ZNF790: variants seen among roughly 807,000 people sequenced by gnomAD.
ZNF790 encodes zinc finger protein 790.
In ZNF790, 8 loss-of-function variants were observed where a neutral mutation model predicts 12.1. The ratio of observed to expected loss-of-function variants is 0.66; its 90% CI spans 0.39 to 1.19. The LOEUF (loss-of-function observed/expected upper bound fraction) is 1.19, where lower values mean the gene tolerates loss of function less well. Among genes scored for constraint, ZNF790 ranks in the 50% most tolerant of loss-of-function variants. The pLI is 0.01. For synonymous variants in ZNF790, 252 were observed against 244.3 expected (o/e 1.03, Z -0.29); for missense variants, 707 against 752.2 (o/e 0.94, Z 0.70).
chr19:36,825,288 C>T (rs1385021091), intron 2 of ZNF790, among the ~76,000 whole-genome samples: 2 of 152,202 alleles, frequency 1.3e-5, no homozygotes, highest in Non-Finnish European at 2.9e-5. Context: ...AGTATGTCCC[C>T]TTTAATTATT....
rs1161750362 is a variant in ZNF790, at chr19:36,838,115, C to CACACACACACAT, written c.-74+221_-74+222insATGTGTGTGTGT. 1.9e-5 allele frequency: 2 copies of CACACACACACAT among 105,144 alleles called. No individual in the cohort carries two copies. Among genetic ancestry groups the CACACACACACAT allele is most frequent in the African/African-American group, 4.5e-5 (1 of 22,178 alleles). The allele number at this position is 105,144 out of a possible 1,614,324, so 6.5% of individuals were successfully genotyped here. A position where few individuals can be genotyped will look rare whatever the true frequency, so the allele number is the denominator to read the frequency against. On this transcript the variant is annotated intron_variant, in intron 1 of 4. Transcript: ENST00000356725. This position sits in a 1 kb window ranked among gnomAD's most constrained non-coding sequence, Gnocchi z 4.4. The stretch of plus-strand genomic sequence containing the variant: ...TCGTGTGCGCGTGCGCGCACACACA[C>CACACACACACAT]ACACACACACACATACACACACACA...
chr19:36,833,721 G>A (rs2071986541), intron 1 of ZNF790, among the ~76,000 whole-genome samples: 1 of 152,096 alleles, frequency 6.6e-6, no homozygotes, highest in Non-Finnish European at 1.5e-5. Flanking sequence ...CATGGTGCCA[G>A]GTCAACTGAA....
chr19:36,844,774 C>T (rs922091368), intron 1 of ZNF790, among the ~76,000 whole-genome samples: 2 of 152,048 alleles, frequency 1.3e-5, no homozygotes, highest in Non-Finnish European at 2.9e-5. Context: ...TAGGGCCGGG[C>T]GCGGTGGCTC....
chr19:36,823,223 C>T, intron 4 of ZNF790, 62 bp downstream of exon 4: 10 of 1,437,160 alleles, frequency 7.0e-6, no homozygotes, highest in Non-Finnish European at 9.8e-6. Context: ...TGCTGCCTCA[C>T]TGTGCAGCTG....
chr19:36,823,244 CACA>C (rs776930300), intron 4 of ZNF790, 38 bp downstream of exon 4: 3 of 1,559,256 alleles, frequency 1.9e-6, no homozygotes. Context: ...AGCTGTTATC[CACA>C]ACAATGGCCT....
At position 36,827,430 on chromosome 19, in the gene ZNF790, G is replaced by T. The variant is rs1303038734; in HGVS notation, c.-73-1738C>A. ...AGGCCCAGTCACAAGGGCCCTTCCT[G>T]ACTGGGCTCAAGGAACACAAAAAGT... On this transcript the variant is annotated intron_variant, in intron 1 of 4. Transcript: ENST00000356725. 3.3e-5 allele frequency among the ~76,000 whole-genome samples: 5 copies of T among 152,056 alleles called. No homozygotes were observed. In the East Asian group the frequency reaches 9.7e-4, roughly 30 times the overall value.
Position 36,819,670 on chromosome 19 carries a change from G to C in ZNF790, c.674C>G (p.Thr225Arg). ...CTTCCCACATTCTTTACATTCATAT[G>C]TTTTCTTAACAGTGTGAACTGTCTG... ...QYQTVHTVKK[T>R]YECKECGKSF... Residue 225 changes from threonine to arginine, a missense_variant, in exon 5 of 5, where the codon ACA becomes AGA. Coordinates refer to ENST00000356725, the MANE Select transcript of ZNF790 (RefSeq NM_206894.4). The C allele has an allele frequency of 6.2e-7, 1 of 1,610,740 alleles. No homozygotes were observed. Among genetic ancestry groups the C allele is most frequent in the South Asian group, 1.1e-5 (1 of 90,846 alleles).
chr19:36,821,017 T>G (rs143391470), intron 4 of ZNF790, among the ~76,000 whole-genome samples: 5,375 of 150,194 alleles, frequency 0.036, 143 homozygotes, highest in Non-Finnish European at 0.05. Flanking sequence ...CATTTAGCAT[T>G]AGGTGTATCT....
chr19:36,848,754 G>C (rs541915221), intron 1 of ZNF790, among the ~76,000 whole-genome samples: 2 of 151,182 alleles, frequency 1.3e-5, no homozygotes, highest in Non-Finnish European at 2.9e-5. Flanking sequence ...ATGGGGGTTG[G>C]GGGGGTGGTG....
intron 4 of ZNF790, among the ~76,000 whole-genome samples, chr19:36,822,104 C>A (rs2071686061): frequency 6.6e-6 from 1 of 151,980 alleles, no homozygotes; most frequent in Non-Finnish European, 1.5e-5. Flanking sequence ...TCTTAAGAGA[C>A]AATATATTCT....
In ZNF790 at chr19:36,819,068, G is replaced by T. The variant is rs771323220; in HGVS notation, c.1276C>A (p.Gln426Lys). The change falls in exon 5 of 5, where the codon CAA becomes AAA. Residue 426 changes from glutamine to lysine, a missense_variant. By Grantham distance (53) the Gln-to-Lys change is moderately conservative. Transcript: ENST00000356725. ...GCCCAAGTAAAAGTCTTCCCGCATT[G>T]CTTACATTCATAAGGTTTCCTGCCA... ...HTGRKPYECK[Q>K]CGKTFTWASY... 2.2e-5 allele frequency: 35 copies of T among 1,613,826 alleles called. No homozygotes were observed. The highest frequency in any genetic ancestry group is 1.8e-5 in the Non-Finnish European group (21 of 1,179,978).
Position 36,819,617 on chromosome 19 carries a change from C to A in ZNF790, c.727G>T (p.Gly243Cys). 6.2e-7 allele frequency: 1 copy of A among 1,607,176 alleles called. No homozygotes were observed. The highest frequency in any genetic ancestry group is 8.5e-7 in the Non-Finnish European group (1 of 1,176,450). The change falls in exon 5 of 5, where the codon GGT (glycine) becomes TGT (cysteine). Residue 243 changes from glycine (G) to cysteine (C), a missense_variant. Coordinates refer to ENST00000356725, the MANE Select transcript of ZNF790 (RefSeq NM_206894.4). ...TCACCGGTATGAATTCTCTTATGAC[C>A]AGTAAGACTCGAACGTAAACTAAAA... ...KSFSLRSSLTGHKRIHTGEKP... is the reference protein window; with the variant it reads ...KSFSLRSSLTCHKRIHTGEKP...
chr19:36,850,259 A>C (rs924875828), exon 1 of ZNF790: 1 of 152,222 alleles, frequency 6.6e-6, no homozygotes, highest in Non-Finnish European at 1.5e-5. Context: ...GGGCCCATCT[A>C]TCCCCGGCGA....
intron 1 of ZNF790, among the ~76,000 whole-genome samples, chr19:36,849,013 G>A (rs1041294805): frequency 6.6e-6 from 1 of 152,108 alleles, no homozygotes; most frequent in Admixed American, 6.5e-5. Context: ...GGCTGGTCTT[G>A]AACTCCTGGG....
In ZNF790 at chr19:36,818,777, G is replaced by T; in HGVS notation, c.1567C>A (p.Arg523=). The T allele has an allele frequency of 6.2e-7, 1 of 1,609,844 alleles. No individual in the cohort carries two copies. The highest frequency in any genetic ancestry group is 8.5e-7 in the Non-Finnish European group (1 of 1,178,326). The change falls in exon 5 of 5, where the codon CGA becomes AGA. Residue 523 remains arginine, a synonymous_variant. Transcript: ENST00000356725. ...TCACCAGTATGCATTCTCTGATGTCGAGTAAGTTGTGAACCCCAGAGAAAG... is the reference window on the plus strand; with the variant it reads ...TCACCAGTATGCATTCTCTGATGTCTAGTAAGTTGTGAACCCCAGAGAAAG... ...KAFLWGSQLT[R]HQRMHTGEEP...
At chr19:36,837,911 ATTCACGAAGGACTATGCCT>A (rs1454993605) in intron 1 of ZNF790, 2 of 152,272 alleles carry the variant, frequency 1.3e-5, no homozygotes, top group Non-Finnish European at 2.9e-5. Flanking sequence ...CTCCCCACAC[ATTCACGAAGGACTATGCCT>A]GTCACTCAAC....
upstream of ZNF790, among the ~76,000 whole-genome samples, chr19:36,842,956 G>C (rs2146092803): frequency 7.4e-6 from 1 of 134,988 alleles, no homozygotes; most frequent in East Asian, 2.2e-4. Context: ...AGTGAGCCAA[G>C]ATCGCACCAC....
intron 1 of ZNF790, among the ~76,000 whole-genome samples, chr19:36,847,355 AAAAAAACAAAAC>A (rs985977001): frequency 4.6e-5 from 7 of 152,118 alleles, no homozygotes; most frequent in Non-Finnish European, 5.9e-5. Flanking sequence ...TGTCTTGGGA[AAAAAAACAAAAC>A]AAAAAACAAA....
Position 36,818,625 on chromosome 19 carries a change from G to A in ZNF790, c.1719C>T (p.His573=). 6.2e-7 allele frequency: 1 copy of A among 1,611,078 alleles called. No homozygotes were observed. The highest frequency in any genetic ancestry group is 1.1e-5 in the South Asian group (1 of 90,830). ...GCKKSSHIFS[H]HSYFTEQKIH... The stretch of plus-strand genomic sequence containing the variant: ...TTTTTTGTTCAGTAAAATATGAATG[G>A]TGACTAAAGATGTGGCTACTTTTCT... The change falls in exon 5 of 5, where the codon CAC becomes CAT. Residue 573 remains histidine (H), a synonymous_variant. Transcript: ENST00000356725.
Sources: gnomAD v4.1 joint callset for allele counts (sites outside exome capture counted in the v4.1 genomes callset) on GRCh38, gnomAD v4.1.1 for gene constraint, Gnocchi (gnomAD v3.1) non-coding constraint, MANE v1.5 for transcripts, NCBI Gene and HGNC (gene_info 2026-07-23, HGNC 2026-07-21) for gene names.